The following KIR2DL3 variants were observed in gnomAD, a reference collection of about 807,000 sequenced individuals.
KIR2DL3 encodes killer cell immunoglobulin like receptor, two Ig domains and long cytoplasmic tail 3.
In KIR2DL3, 39 loss-of-function variants were observed where a neutral mutation model predicts 33.8. The ratio of observed to expected loss-of-function variants is 1.15; its 90% CI spans 0.89 to 1.51. The LOEUF (loss-of-function observed/expected upper bound fraction) is 1.51, where lower values mean the gene tolerates loss of function less well. KIR2DL3 is among the 40% of genes most tolerant of loss of function. The probability of loss-of-function intolerance (pLI) is 0.00; values close to 1 mark genes in which losing one functional copy is unlikely to be tolerated. For missense variants in KIR2DL3, 462 were observed against 426.2 expected (o/e 1.08, Z -0.74); for synonymous variants, 174 against 160.2 (o/e 1.09, Z -0.65).
At chr19:54,746,774 G>A (rs1312235773) in intron 4 of KIR2DL3, among the ~76,000 whole-genome samples, 7 of 150,214 alleles carry the variant, frequency 4.7e-5, no homozygotes, top group Non-Finnish European at 5.9e-5. Flanking sequence ...CCTGAGGCCA[G>A]GAGTTCAAGA....
intron 4 of KIR2DL3, among the ~76,000 whole-genome samples, chr19:54,744,496 G>A (rs1202391477): frequency 2.0e-4 from 30 of 151,896 alleles, no homozygotes; most frequent in Non-Finnish European, 3.5e-4. Flanking sequence ...ATTTATTGAG[G>A]ATAAATATAC....
Position 54,738,550 on chromosome 19 carries a change from C to T in KIR2DL3, c.5C>T (p.Ser2Leu), listed in dbSNP as rs750709166. 1,763 of 1,612,166 alleles carry T rather than the reference C, an allele frequency of 1.1e-3. No individual in the cohort carries two copies. The African/African-American group carries it at 0.021, about 19-fold the overall frequency. ...CCTGTCTGCACAGACAGCACCATGTCGCTCATGGTCGTCAGCATGGTGTGT... is the reference window on the plus strand; with the variant it reads ...CCTGTCTGCACAGACAGCACCATGTTGCTCATGGTCGTCAGCATGGTGTGT... M[S>L]LMVVSMVCVG... Residue 2 changes from serine to leucine, a missense_variant, in exon 1 of 8, where the codon TCG (serine) becomes TTG (leucine). Transcript: ENST00000342376.
intron 4 of KIR2DL3, among the ~76,000 whole-genome samples, chr19:54,745,847 T>C (rs2072398939): frequency 6.8e-6 from 1 of 146,126 alleles, no homozygotes; most frequent in Admixed American, 7.0e-5. Flanking sequence ...AGTTTCGCTC[T>C]TGTCACCCAG....
chr19:54,744,050 G>T lies in KIR2DL3; in HGVS notation c.626G>T (p.Trp209Leu), dbSNP rs1222439217. The T allele has an allele frequency of 5.6e-6, 9 of 1,614,084 alleles. No individual in the cohort carries two copies. Among genetic ancestry groups the T allele is most frequent in the Non-Finnish European group, 7.6e-6 (9 of 1,180,052 alleles). The change falls in exon 4 of 8, where the codon TGG becomes TTG. Residue 209 changes from tryptophan to leucine, a missense_variant. Transcript: ENST00000342376. ...TCTTTCCGTGACTCTCCATACGAGT[G>T]GTCAAACTCGAGTGACCCACTGCTT... is the stretch of plus-strand genomic sequence containing the variant. ...FGSFRDSPYE[W>L]SNSSDPLLVS...
chr19:54,742,065 T>C lies in KIR2DL3; in HGVS notation c.156T>C (p.Asp52=), dbSNP rs750824528. 2.5e-3 allele frequency: 4,093 copies of C among 1,613,424 alleles called. 115 individuals carry two copies. The African/African-American group carries it at 0.048, about 19-fold the overall frequency. ...EETVILQCWS[D]VRFQHFLLHR... ...CAGTCATCCTGCAATGTTGGTCAGATGTCAGGTTTCAGCACTTCCTTCTGC... is the reference window on the plus strand; with the variant it reads ...CAGTCATCCTGCAATGTTGGTCAGACGTCAGGTTTCAGCACTTCCTTCTGC... The change falls in exon 3 of 8, where the codon GAT becomes GAC. Residue 52 remains aspartate (D), a synonymous_variant. Transcript: ENST00000342376.
At chr19:54,742,872 C>G (rs1343371365) in intron 3 of KIR2DL3, among the ~76,000 whole-genome samples, 2 of 151,350 alleles carry the variant, frequency 1.3e-5, no homozygotes, top group African/African-American at 2.4e-5. Context: ...GAAAGGATCA[C>G]TGAGAGGCAC....
chr19:54,743,551 T>C (rs1158152010), intron 3 of KIR2DL3, among the ~76,000 whole-genome samples: 83 of 151,408 alleles, frequency 5.5e-4, no homozygotes, highest in African/African-American at 2.2e-4. Flanking sequence ...CCAAGGAGAG[T>C]CAGAGAGAAT....
chr19:54,749,070 T>C (rs1162301051), intron 5 of KIR2DL3, among the ~76,000 whole-genome samples: 1 of 152,098 alleles, frequency 6.6e-6, no homozygotes, highest in Non-Finnish European at 1.5e-5. Context: ...CACACACAGC[T>C]GTCAGCCGTG....
Position 54,738,643 on chromosome 19 carries a change from G to A in KIR2DL3, c.34+64G>A. 4 of 1,611,402 alleles carry A rather than the reference G, an allele frequency of 2.5e-6. No homozygotes were observed. In the South Asian group the frequency reaches 3.3e-5, roughly 13 times the overall value. On this transcript the variant is annotated intron_variant, in intron 1 of 7. Transcript: ENST00000342376. ...ATGGAGATCGGGGCCCAGAGTTGGA[G>A]ATATAGGCCTGGAAGTGGAGTTATG...
chr19:54,745,187 A>C (rs2072262477), intron 4 of KIR2DL3, among the ~76,000 whole-genome samples: 2 of 151,880 alleles, frequency 1.3e-5, no homozygotes, highest in African/African-American at 4.8e-5. Context: ...CTCTCTATCC[A>C]TTCATCCACT....
At chr19:54,744,552 A>G (rs1165102882) in intron 4 of KIR2DL3, among the ~76,000 whole-genome samples, 1 of 150,290 alleles carries the variant, frequency 6.7e-6, no homozygotes, top group African/African-American at 2.5e-5. Flanking sequence ...TTTGAGGCAG[A>G]GTCTAGCTCT....
At chr19:54,741,876 A>G (rs1367161289) in intron 2 of KIR2DL3, 104 bp from the exon 3 acceptor site, 14 of 1,307,070 alleles carry the variant, frequency 1.1e-5, no homozygotes, top group Non-Finnish European at 1.5e-5. Flanking sequence ...ACAGAGAGGA[A>G]GGAGAGAGAC....
At chr19:54,747,987 C>A (rs150120121) in intron 5 of KIR2DL3, among the ~76,000 whole-genome samples, 1 of 152,118 alleles carries the variant, frequency 6.6e-6, no homozygotes, top group Non-Finnish European at 1.5e-5. Context: ...TTTTAATTAT[C>A]TTACAGTGCT....
chr19:54,744,943 T>C (rs1398689815), intron 4 of KIR2DL3, among the ~76,000 whole-genome samples: 8 of 27,590 alleles, frequency 2.9e-4, no homozygotes, highest in Non-Finnish European at 2.2e-4. Context: ...TATATATATA[T>C]ATATATATAT....
chr19:54,742,207 T>A lies in KIR2DL3; in HGVS notation c.298T>A (p.Cys100Ser). The A allele has an allele frequency of 6.2e-7, 1 of 1,614,158 alleles. No homozygotes were observed. Among genetic ancestry groups the A allele is most frequent in the Non-Finnish European group, 8.5e-7 (1 of 1,180,034 alleles). Residue 100 changes from cysteine to serine, a missense_variant, in exon 3 of 8, where the codon TGC becomes AGC. By Grantham distance (112) the Cys-to-Ser change is moderately radical. Transcript: ENST00000342376. ...MMQDLAGTYR[C>S]YGSVTHSPYQ... The stretch of plus-strand genomic sequence containing the variant: ...GCAAGACCTTGCAGGGACCTACAGA[T>A]GCTACGGTTCTGTTACTCACTCCCC...
chr19:54,748,101 C>G (rs1238233289), intron 5 of KIR2DL3, among the ~76,000 whole-genome samples: 1 of 147,536 alleles, frequency 6.8e-6, no homozygotes, highest in Non-Finnish European at 1.5e-5. Flanking sequence ...CTCACTTATC[C>G]CAGCTTCTAA....
At chr19:54,751,816 C>G (rs537136233) in intron 6 of KIR2DL3, 63 bp downstream of exon 6, 1 of 1,279,862 alleles carries the variant, frequency 7.8e-7, no homozygotes, top group Admixed American at 1.9e-5. Context: ...GATGGGAGCA[C>G]TCAGGTGTGT....
In KIR2DL3 at chr19:54,744,102, A is replaced by G. The variant is rs2071771606; in HGVS notation, c.664+14A>G. 2.6e-5 allele frequency: 42 copies of G among 1,613,902 alleles called. No homozygotes were observed. Among genetic ancestry groups the G allele is most frequent in the Middle Eastern group, 3.3e-4 (2 of 6,084 alleles). On this transcript the variant is annotated intron_variant, in intron 4 of 7. Coordinates refer to ENST00000342376, the MANE Select transcript of KIR2DL3 (RefSeq NM_015868.3). ...TTTCTGTCACAGGTGAGGAAACCCC[A>G]TATCTGTCTCATGTCCTATGATCCT...
At chr19:54,739,621 G>C in intron 2 of KIR2DL3, 79 bp downstream of exon 2, 1 of 1,609,644 alleles carries the variant, frequency 6.2e-7, no homozygotes. Flanking sequence ...AGTCCTGTCG[G>C]GGAGTCTCTC....
Sources: allele counts gnomAD v4.1 joint callset (sites outside exome capture counted in the v4.1 genomes callset), GRCh38; gene constraint gnomAD v4.1.1; transcripts MANE v1.5; gene names NCBI Gene and HGNC (gene_info 2026-07-23, HGNC 2026-07-21).